Variants in DPYD observed in about 807,000 individuals in gnomAD.
The protein encoded by DPYD is dihydropyrimidine dehydrogenase.
A neutral mutation model predicts 116.2 loss-of-function variants in DPYD; 109 were observed. The ratio of observed to expected loss-of-function variants is 0.94; its 90% CI spans 0.80 to 1.10. The LOEUF (loss-of-function observed/expected upper bound fraction) is 1.10. Among genes scored for constraint, DPYD ranks in the 50% least tolerant of loss-of-function variants. The pLI is 0.00. For missense variants in DPYD, 1,302 were observed against 1,254.5 expected (o/e 1.04, Z -0.57); for synonymous variants, 440 against 432.0 (o/e 1.02, Z -0.23).
rs149799333 is a variant in DPYD at position 97,249,839 on chromosome 1, G to A, written c.2300-14845C>T. ...ACATAAAAAAGTGTTCCACATCAGGGAACTCGAAATTAAAATCACCATGAG... is the reference window on the plus strand; with the variant it reads ...ACATAAAAAAGTGTTCCACATCAGGAAACTCGAAATTAAAATCACCATGAG... On this transcript the variant is annotated intron_variant, in intron 18 of 22. Coordinates refer to ENST00000370192, the MANE Select transcript of DPYD (RefSeq NM_000110.4). 1.2e-3 allele frequency among the ~76,000 whole-genome samples: 175 copies of A among 152,152 alleles called. 2 individuals carry two copies. Among genetic ancestry groups the A allele is most frequent in the African/African-American group, 4.0e-3 (167 of 41,492 alleles).
chr1:97,790,767 A>G (rs577886146), intron 3 of DPYD, among the ~76,000 whole-genome samples: 86 of 152,206 alleles, frequency 5.7e-4, no homozygotes, highest in Non-Finnish European at 1.0e-3. Context: ...TAGAATTACT[A>G]GAAAGACATT....
chr1:97,153,925 CA>C (rs1655220333), intron 20 of DPYD, among the ~76,000 whole-genome samples: 1 of 145,366 alleles, frequency 6.9e-6, no homozygotes, highest in African/African-American at 2.6e-5. Flanking sequence ...AAATGCAAAT[CA>C]AAACCATAAC....
intron 20 of DPYD, among the ~76,000 whole-genome samples, chr1:97,114,683 G>A (rs1011312121): frequency 2.0e-5 from 3 of 152,032 alleles, no homozygotes; most frequent in East Asian, 3.9e-4. Context: ...GCATCACTAC[G>A]TCATTTAATG....
At chr1:97,230,994 C>A (rs1033030227) in intron 19 of DPYD, among the ~76,000 whole-genome samples, 14 of 152,146 alleles carry the variant, frequency 9.2e-5, no homozygotes, top group African/African-American at 3.4e-4. Context: ...TAAGTAGAAA[C>A]TGACATTTGA....
intron 11 of DPYD, among the ~76,000 whole-genome samples, chr1:97,562,839 C>T (rs556887240): frequency 2.0e-5 from 3 of 152,136 alleles, no homozygotes; most frequent in South Asian, 4.2e-4. Context: ...CTGCCTCAGC[C>T]CCCCCGAGTA....
intron 14 of DPYD, among the ~76,000 whole-genome samples, chr1:97,422,414 T>C (rs543032968): frequency 1.3e-5 from 2 of 152,288 alleles, no homozygotes; most frequent in East Asian, 3.9e-4. Context: ...TTTACAGACT[T>C]ACTCTGATAA....
At chr1:97,158,536 G>C (rs1313956174) in intron 20 of DPYD, among the ~76,000 whole-genome samples, 2 of 119,678 alleles carry the variant, frequency 1.7e-5, no homozygotes, top group African/African-American at 2.9e-5. Context: ...CTATCCAAAT[G>C]CACTGAAGAA....
At chr1:97,279,570 G>A (rs1384855824) in intron 18 of DPYD, among the ~76,000 whole-genome samples, 1 of 152,160 alleles carries the variant, frequency 6.6e-6, no homozygotes, top group Admixed American at 6.5e-5. Flanking sequence ...GAGTGCAGTG[G>A]TGCGATCTTG....
chr1:97,293,602 A>C (rs1666343881), intron 18 of DPYD, among the ~76,000 whole-genome samples: 1 of 152,130 alleles, frequency 6.6e-6, no homozygotes, highest in Admixed American at 6.5e-5. Flanking sequence ...TTTCTTACTA[A>C]GTTTCCAAAG....
intron 8 of DPYD, among the ~76,000 whole-genome samples, chr1:97,676,708 C>T (rs1660162688): frequency 6.6e-6 from 1 of 152,034 alleles, no homozygotes; most frequent in Admixed American, 6.6e-5. Flanking sequence ...CAAGTAACCG[C>T]CAGTTATATG....
intron 18 of DPYD, among the ~76,000 whole-genome samples, chr1:97,293,704 G>A (rs1666350369): frequency 6.6e-6 from 1 of 152,114 alleles, no homozygotes; most frequent in African/African-American, 2.4e-5. Flanking sequence ...CACTTTGTGG[G>A]GCTGAGGCAG....
At position 97,639,522 on chromosome 1, in the gene DPYD, T is replaced by C. The variant is rs115465283; in HGVS notation, c.850+39573A>G. On this transcript the variant is annotated intron_variant, in intron 8 of 22. Transcript: ENST00000370192. ...TTTTGGAAAAAAAATGTAAGCACTATGCATTTTTAAAAGTATAAATAAGAG... is the reference window on the plus strand; with the variant it reads ...TTTTGGAAAAAAAATGTAAGCACTACGCATTTTTAAAAGTATAAATAAGAG... Among the ~76,000 whole-genome samples the C allele has an allele frequency of 4.6e-3, 695 of 152,254 alleles. 4 individuals carry two copies. Among genetic ancestry groups the C allele is most frequent in the African/African-American group, 0.016 (670 of 41,560 alleles).
intron 3 of DPYD, among the ~76,000 whole-genome samples, chr1:97,795,024 G>A (rs1362227285): frequency 6.6e-6 from 1 of 151,882 alleles, no homozygotes; most frequent in Non-Finnish European, 1.5e-5. Context: ...TTTCTTTGTA[G>A]AGAACAAATA....
intron 20 of DPYD, among the ~76,000 whole-genome samples, chr1:97,189,731 G>A (rs937890160): frequency 1.3e-5 from 2 of 152,112 alleles, no homozygotes; most frequent in Admixed American, 6.6e-5. Context: ...GGAGCCAGAT[G>A]TATGGATTTA....
chr1:97,173,271 T>TAC (rs1656907148), intron 20 of DPYD, among the ~76,000 whole-genome samples: 1 of 145,750 alleles, frequency 6.9e-6, no homozygotes, highest in Admixed American at 6.8e-5. Context: ...CATATGTACA[T>TAC]ATATATGCAC....
At chr1:97,422,377 A>T (rs1388677153) in intron 14 of DPYD, among the ~76,000 whole-genome samples, 2 of 152,172 alleles carry the variant, frequency 1.3e-5, no homozygotes, top group Non-Finnish European at 2.9e-5. Context: ...AGGACAAATG[A>T]CTTTGAATTA....
chr1:97,108,259 GT>G (rs1349607679), intron 20 of DPYD, among the ~76,000 whole-genome samples: 8 of 152,108 alleles, frequency 5.3e-5, no homozygotes, highest in African/African-American at 1.9e-4. Context: ...CTGTCAGCTG[GT>G]TTTGTGACCT....
intron 8 of DPYD, among the ~76,000 whole-genome samples, chr1:97,622,963 G>A (rs1478496453): frequency 6.6e-6 from 1 of 152,026 alleles, no homozygotes; most frequent in South Asian, 2.1e-4. Flanking sequence ...ATGTGAAGTT[G>A]AGAAGGGAGT....
chr1:97,693,862 A>T (rs1661160299), intron 6 of DPYD, among the ~76,000 whole-genome samples: 1 of 152,192 alleles, frequency 6.6e-6, no homozygotes, highest in Non-Finnish European at 1.5e-5. Context: ...AAAAGGAAAA[A>T]AAATGGTGTG....
Sources: allele counts gnomAD v4.1 joint callset (sites outside exome capture counted in the v4.1 genomes callset), GRCh38; gene constraint gnomAD v4.1.1; transcripts MANE v1.5; gene names NCBI Gene and HGNC (gene_info 2026-07-23, HGNC 2026-07-21).